TFPI: variants seen among roughly 807,000 people sequenced by gnomAD.
TFPI encodes the protein tissue factor pathway inhibitor.
A neutral mutation model predicts 34.6 loss-of-function variants in TFPI; 15 were observed. The observed-to-expected ratio is 0.43, with a 90% CI of 0.29 to 0.67. TFPI has a LOEUF of 0.67. Among genes scored for constraint, TFPI ranks in the 30% least tolerant of loss-of-function variants. The probability of loss-of-function intolerance (pLI) is 0.15; values close to 1 mark genes in which losing one functional copy is unlikely to be tolerated. For missense variants in TFPI, 301 were observed against 364.0 expected (o/e 0.83, Z 1.41); for synonymous variants, 105 against 120.1 (o/e 0.87, Z 0.82).
Position 187,484,892 on chromosome 2 carries a change from G to T in TFPI, c.454C>A (p.Arg152Ser). ...FYNNQTKQCERFKYGGCLGNM... is the reference protein window; with the variant it reads ...FYNNQTKQCESFKYGGCLGNM... The stretch of plus-strand genomic sequence containing the variant: ...CCCAGGCATCCACCATACTTGAAAC[G>T]TTCACACTGTTTTGTCTGATTGTTA... The change falls in exon 5 of 8, where the codon CGT becomes AGT. Residue 152 changes from arginine (R) to serine (S), a missense_variant. Physicochemically the swap from Arg to Ser is moderately radical, Grantham distance 110. Coordinates refer to ENST00000233156, the MANE Select transcript of TFPI (RefSeq NM_006287.6). 1 of 1,594,350 alleles carries T rather than the reference G, an allele frequency of 6.3e-7. No individual in the cohort carries two copies. The highest frequency in any genetic ancestry group is 8.5e-7 in the Non-Finnish European group (1 of 1,172,550).
chr2:187,503,498 C>CACAT (rs772602344), intron 2 of TFPI, 150 bp downstream of exon 2: 96 of 837,860 alleles, frequency 1.1e-4, no homozygotes, highest in Non-Finnish European at 1.6e-4. Flanking sequence ...CACACACACA[C>CACAT]ACATACATTA....
chr2:187,466,674 T>C lies in TFPI; in HGVS notation c.*262A>G, dbSNP rs1482382121. 2.8e-5 allele frequency: 7 copies of C among 251,350 alleles called. No individual in the cohort carries two copies. Among genetic ancestry groups the C allele is most frequent in the East Asian group, 2.6e-4 (2 of 7,662 alleles). The allele number at this position is 251,350 out of a possible 1,614,324, so 15.6% of individuals were successfully genotyped here. A position where few individuals can be genotyped will look rare whatever the true frequency, so the allele number is the denominator to read the frequency against. On this transcript the variant is annotated 3_prime_UTR_variant, in exon 8 of 8. Coordinates refer to ENST00000233156, the MANE Select transcript of TFPI (RefSeq NM_006287.6). Reference sequence around the variant, plus strand: ...TGATGTAGCCGGTAGTATGATAATTTGTAGTTAAATGAAAATACAGATAGA... The same window carrying C: ...TGATGTAGCCGGTAGTATGATAATTCGTAGTTAAATGAAAATACAGATAGA...
At chr2:187,533,250 C>A (rs1286438000) in intron 1 of TFPI, among the ~76,000 whole-genome samples, 1 of 152,164 alleles carries the variant, frequency 6.6e-6, no homozygotes, top group Non-Finnish European at 1.5e-5. Flanking sequence ...GGGTTCCTGA[C>A]CCCCGTGCCT....
intron 3 of TFPI, among the ~76,000 whole-genome samples, chr2:187,491,617 C>G (rs8176487): frequency 0.26 from 39,499 of 151,844 alleles, 5,287 homozygotes; most frequent in Middle Eastern, 0.31. Flanking sequence ...TAGACACTTA[C>G]GTTGATTTTA....
chr2:187,485,133 T>C (rs1693170057), intron 4 of TFPI, 146 bp from the exon 5 acceptor site: 1 of 575,462 alleles, frequency 1.7e-6, no homozygotes, highest in Non-Finnish European at 2.7e-6. Context: ...TCCATAAATA[T>C]ACACTATTAA....
intron 3 of TFPI, among the ~76,000 whole-genome samples, chr2:187,495,481 C>G (rs1426279240): frequency 6.6e-6 from 1 of 152,168 alleles, no homozygotes; most frequent in Non-Finnish European, 1.5e-5. Flanking sequence ...CACTGAGCTG[C>G]CTAAACTGTG....
chr2:187,548,740 A>C (rs964971805), intron 1 of TFPI, among the ~76,000 whole-genome samples: 2 of 152,086 alleles, frequency 1.3e-5, no homozygotes, highest in African/African-American at 4.8e-5. Context: ...GGCTCTTATT[A>C]ATATTTGCAA....
intron 1 of TFPI, among the ~76,000 whole-genome samples, chr2:187,546,416 A>G (rs1433051686): frequency 2.4e-5 from 2 of 82,178 alleles, no homozygotes; most frequent in East Asian, 5.3e-4. Flanking sequence ...TGTTATCGTC[A>G]TTTCCTTAAG....
At chr2:187,498,592 G>T (rs1685642772) in intron 2 of TFPI, among the ~76,000 whole-genome samples, 1 of 151,658 alleles carries the variant, frequency 6.6e-6, no homozygotes, top group Non-Finnish European at 1.5e-5. Flanking sequence ...AATTATTTTT[G>T]AACACGTAAA....
At chr2:187,491,201 T>C (rs1685100974) in intron 3 of TFPI, among the ~76,000 whole-genome samples, 1 of 151,990 alleles carries the variant, frequency 6.6e-6, no homozygotes, top group Non-Finnish European at 1.5e-5. Context: ...AATTTATTTC[T>C]TTTTTATTTT....
intron 1 of TFPI, chr2:187,514,841 T>A (rs1392119071): frequency 6.6e-6 from 1 of 152,224 alleles, no homozygotes; most frequent in Non-Finnish European, 1.5e-5. Context: ...CCAGATCAAT[T>A]TAAAGCCCAA....
At chr2:187,523,835 T>G (rs1362054832) in intron 1 of TFPI, among the ~76,000 whole-genome samples, 1 of 152,094 alleles carries the variant, frequency 6.6e-6, no homozygotes, top group Admixed American at 6.5e-5. Context: ...CAAATATTAT[T>G]ACAGTCAATT....
At chr2:187,506,685 T>C (rs922982011) in intron 1 of TFPI, among the ~76,000 whole-genome samples, 26 of 152,096 alleles carry the variant, frequency 1.7e-4, no homozygotes, top group African/African-American at 6.0e-4. Flanking sequence ...ATCCCCTTAA[T>C]AGAATTTATC....
intron 4 of TFPI, among the ~76,000 whole-genome samples, chr2:187,487,044 A>T (rs1693324177): frequency 6.6e-6 from 1 of 151,646 alleles, no homozygotes; most frequent in South Asian, 2.1e-4. Context: ...ATATGAGATA[A>T]GAATGATTGA....
At chr2:187,490,329 G>A (rs1574411512) in intron 3 of TFPI, among the ~76,000 whole-genome samples, 2 of 151,598 alleles carry the variant, frequency 1.3e-5, no homozygotes, top group Admixed American at 6.6e-5. Context: ...ACTGAAAAAA[G>A]GTGTCTTGAA....
intron 3 of TFPI, among the ~76,000 whole-genome samples, chr2:187,489,313 G>A (rs774308461): frequency 6.6e-6 from 1 of 151,280 alleles, no homozygotes; most frequent in Non-Finnish European, 1.5e-5. Flanking sequence ...GTCTATGAAA[G>A]TGAAACTAAC....
At chr2:187,549,445 G>C (rs1001197387) in intron 1 of TFPI, among the ~76,000 whole-genome samples, 1 of 152,082 alleles carries the variant, frequency 6.6e-6, no homozygotes, top group Non-Finnish European at 1.5e-5. Context: ...TCATAGTCTG[G>C]CAAGTGGGAA....
chr2:187,534,418 C>T, intron 1 of TFPI, among the ~76,000 whole-genome samples: 1 of 152,170 alleles, frequency 6.6e-6, no homozygotes. Flanking sequence ...CAATATTCCA[C>T]ATTCTTAAAG....
chr2:187,489,039 A>C lies in TFPI; in HGVS notation c.320-664T>G, dbSNP rs574226738. Among the ~76,000 whole-genome samples the C allele has an allele frequency of 5.9e-5, 9 of 151,656 alleles. 1 individual carries two copies. The South Asian group carries it at 1.0e-3, about 17-fold the overall frequency. On this transcript the variant is annotated intron_variant, in intron 3 of 7. Transcript: ENST00000233156. Reference sequence around the variant, plus strand: ...AATGAAATTTAAATTGACAAAATAAATCTATGAAGTTTTAATTTGCTCGCA... The same window carrying C: ...AATGAAATTTAAATTGACAAAATAACTCTATGAAGTTTTAATTTGCTCGCA...
Sources: allele counts gnomAD v4.1 joint callset (sites outside exome capture counted in the v4.1 genomes callset), GRCh38; gene constraint gnomAD v4.1.1; transcripts MANE v1.5; gene names NCBI Gene and HGNC (gene_info 2026-07-23, HGNC 2026-07-21).